JAK1: variants seen among roughly 807,000 people sequenced by gnomAD.
JAK1 encodes the protein tyrosine-protein kinase JAK1.
Under a neutral mutation model 136.6 loss-of-function variants are expected in JAK1, and 16 were observed. The observed-to-expected ratio is 0.12, with a 90% CI of 0.08 to 0.18. JAK1 has a LOEUF of 0.18. JAK1 is among the 10% of genes least tolerant of loss of function. The pLI is 1.00. For missense variants in JAK1, 859 were observed against 1,450.1 expected (o/e 0.59, Z 6.62); for synonymous variants, 492 against 519.5 (o/e 0.95, Z 0.72).
chr1:65,031,079 G>A (rs1315118731), intron 2 of JAK1, among the ~76,000 whole-genome samples: 1 of 150,930 alleles, frequency 6.6e-6, no homozygotes, highest in East Asian at 2.0e-4. Context: ...AGTTGAGCCA[G>A]GGAGGGTGAG....
rs1027190327 is a variant in JAK1, at chr1:64,833,978, G to A, written c.*584C>T. 1.7e-5 allele frequency: 4 copies of A among 232,614 alleles called. No homozygotes were observed. The highest frequency in any genetic ancestry group is 8.9e-5 in the African/African-American group (4 of 45,192). 14.4% of individuals were successfully genotyped at this position (232,614 alleles called of 1,614,324 possible). A position where few individuals can be genotyped will look rare whatever the true frequency, so the allele number is the denominator to read the frequency against. On this transcript the variant is annotated 3_prime_UTR_variant, in exon 25 of 25. Coordinates refer to ENST00000342505, the MANE Select transcript of JAK1 (RefSeq NM_002227.4). ...CAAAGGAACAGGAGCTAAGCCACTGGAGAAACAAAGTTTAAGTCCTACTGG... is the reference window on the plus strand; with the variant it reads ...CAAAGGAACAGGAGCTAAGCCACTGAAGAAACAAAGTTTAAGTCCTACTGG...
chr1:65,002,581 G>C (rs1646768748), intron 2 of JAK1: 1 of 152,276 alleles, frequency 6.6e-6, no homozygotes, highest in Non-Finnish European at 1.5e-5. Context: ...CCCAGGGAGC[G>C]CTCAGTAACG....
chr1:64,973,314 GA>G (rs1646470133), intron 2 of JAK1, among the ~76,000 whole-genome samples: 1 of 144,640 alleles, frequency 6.9e-6, no homozygotes, highest in Non-Finnish European at 1.5e-5. Context: ...AGAGAGAAAG[GA>G]AGGAAGGGAG....
chr1:65,015,892 TG>T (rs1395602198), intron 2 of JAK1, among the ~76,000 whole-genome samples: 1 of 152,156 alleles, frequency 6.6e-6, no homozygotes, highest in African/African-American at 2.4e-5. Context: ...AACAAGTACT[TG>T]TATACCAGTG....
At chr1:64,879,522 A>T (rs1644737280) in intron 3 of JAK1, among the ~76,000 whole-genome samples, 1 of 152,212 alleles carries the variant, frequency 6.6e-6, no homozygotes, top group Admixed American at 6.5e-5. Context: ...TGCTAATCGG[A>T]AACACTCTGG....
chr1:64,856,448 G>A (rs574132693), intron 10 of JAK1, among the ~76,000 whole-genome samples: 16 of 152,206 alleles, frequency 1.1e-4, no homozygotes, highest in African/African-American at 1.4e-4. Context: ...TAGGTACAAC[G>A]CTTGGCACAG....
chr1:64,944,795 T>A (rs990926827), intron 1 of JAK1, among the ~76,000 whole-genome samples: 3 of 152,076 alleles, frequency 2.0e-5, no homozygotes, highest in African/African-American at 7.2e-5. Context: ...TAACAAAGGT[T>A]GTGAGAGTCC....
intron 1 of JAK1, among the ~76,000 whole-genome samples, chr1:64,960,014 C>A (rs1051337212): frequency 2.0e-5 from 3 of 152,120 alleles, no homozygotes; most frequent in Non-Finnish European, 1.5e-5. Context: ...ATTGCTTGAG[C>A]CCAGGAGTTC....
At chr1:65,028,934 C>A (rs936378893) in intron 2 of JAK1, among the ~76,000 whole-genome samples, 1 of 152,004 alleles carries the variant, frequency 6.6e-6, no homozygotes, top group Admixed American at 6.6e-5. Flanking sequence ...AGGAAAGGAG[C>A]AAAATTAGCT....
intron 1 of JAK1, among the ~76,000 whole-genome samples, chr1:64,948,671 T>C (rs1263523738): frequency 6.6e-6 from 1 of 152,210 alleles, no homozygotes. Flanking sequence ...AGCCAGTAAT[T>C]TAATCATAAC....
intron 1 of JAK1, among the ~76,000 whole-genome samples, chr1:64,894,752 A>G (rs1644989256): frequency 6.6e-6 from 1 of 152,074 alleles, no homozygotes; most frequent in African/African-American, 2.4e-5. Flanking sequence ...ACTCTAGCCT[A>G]GGTGTCAGAG....
chr1:64,847,740 TG>T (rs1655330566), intron 12 of JAK1, 65 bp from the exon 13 acceptor site: 18 of 1,562,938 alleles, frequency 1.2e-5, no homozygotes, highest in Non-Finnish European at 1.6e-5. Context: ...CGTCTGGGAA[TG>T]GGTCCTCAAT....
intron 1 of JAK1, among the ~76,000 whole-genome samples, chr1:65,053,559 C>T (rs1183058477): frequency 2.0e-5 from 3 of 152,010 alleles, no homozygotes; most frequent in African/African-American, 7.2e-5. Context: ...CACTTAAGAA[C>T]AGGATAGACA....
At chr1:64,854,612 G>A (rs1052615198) in intron 11 of JAK1, among the ~76,000 whole-genome samples, 7 of 152,130 alleles carry the variant, frequency 4.6e-5, no homozygotes, top group Admixed American at 2.0e-4. Flanking sequence ...CATTCTAAGA[G>A]ACAAATCCAC....
intron 2 of JAK1, among the ~76,000 whole-genome samples, chr1:64,977,905 TCGG>T (rs1441612581): frequency 0.026 from 4,013 of 152,262 alleles, 179 homozygotes; most frequent in African/African-American, 0.091. Context: ...TTCATCGTCA[TCGG>T]TAAGTAAGGA....
chr1:64,968,609 C>A (rs1322717350), upstream of JAK1, among the ~76,000 whole-genome samples: 2 of 151,934 alleles, frequency 1.3e-5, no homozygotes, highest in Non-Finnish European at 2.9e-5. Flanking sequence ...GGCAACACAG[C>A]AAGACCCTGT....
chr1:65,028,715 A>G (rs1646998779), intron 2 of JAK1, among the ~76,000 whole-genome samples: 1 of 152,220 alleles, frequency 6.6e-6, no homozygotes, highest in Non-Finnish European at 1.5e-5. Context: ...TATTCTTTTT[A>G]TCAGATACCA....
chr1:64,914,890 A>G (rs1645365804), intron 1 of JAK1, among the ~76,000 whole-genome samples: 2 of 152,174 alleles, frequency 1.3e-5, no homozygotes, highest in African/African-American at 2.4e-5. Flanking sequence ...AAACACAACT[A>G]TAACTATAGT....
intron 1 of JAK1, among the ~76,000 whole-genome samples, chr1:64,928,462 G>A (rs1557699051): frequency 6.6e-6 from 1 of 152,304 alleles, no homozygotes. Flanking sequence ...GTATACAAGA[G>A]TGCATTCATG....
Sources: allele counts gnomAD v4.1 joint callset (sites outside exome capture counted in the v4.1 genomes callset), GRCh38; gene constraint gnomAD v4.1.1; transcripts MANE v1.5; gene names NCBI Gene and HGNC (gene_info 2026-07-23, HGNC 2026-07-21).